The following IL1RAPL2 variants were observed in gnomAD, a reference collection of about 807,000 sequenced individuals.
IL1RAPL2 encodes X-linked interleukin-1 receptor accessory protein-like 2.
IL1RAPL2 carries 3 observed loss-of-function variants against 44.1 expected under a neutral mutation model. The observed-to-expected ratio is 0.07, with a 90% CI of 0.03 to 0.18. The LOEUF is 0.18. Among genes scored for constraint, IL1RAPL2 ranks in the 10% least tolerant of loss-of-function variants. The pLI, the probability that IL1RAPL2 is intolerant of heterozygous loss-of-function variation, is 1.00. For missense variants in IL1RAPL2, 391 were observed against 496.4 expected (o/e 0.79, Z 2.02); for synonymous variants, 181 against 178.8 (o/e 1.01, Z -0.10).
intron 5 of IL1RAPL2, among the ~76,000 whole-genome samples, chrX:105,334,972 A>T (rs2035017021): frequency 9.0e-6 from 1 of 111,683 alleles, no homozygotes; most frequent in Non-Finnish European, 1.9e-5. Context: ...GGCATATTTC[A>T]GCAAGGTAAC....
At chrX:104,861,482 A>G (rs1922493097) in intron 2 of IL1RAPL2, among the ~76,000 whole-genome samples, 2 of 111,520 alleles carry the variant, frequency 1.8e-5, no homozygotes, top group South Asian at 7.5e-4. Context: ...CAACTTTATG[A>G]TAGTGTGAAA....
At chrX:105,577,609 C>T (rs1358176014) in intron 6 of IL1RAPL2, among the ~76,000 whole-genome samples, 1 of 110,546 alleles carries the variant, frequency 9.0e-6, no homozygotes, top group Non-Finnish European at 1.9e-5. Context: ...CCAAAATTGA[C>T]AGCATATTTT....
chrX:104,651,993 G>T (rs1930161690), intron 1 of IL1RAPL2, among the ~76,000 whole-genome samples: 1 of 111,917 alleles, frequency 8.9e-6, no homozygotes, highest in African/African-American at 3.2e-5. Context: ...AGGAAGTACT[G>T]CAAGGAAGTG....
chrX:104,691,004 G>A (rs1203941192), intron 2 of IL1RAPL2, among the ~76,000 whole-genome samples: 2 of 111,603 alleles, frequency 1.8e-5, no homozygotes, highest in African/African-American at 6.5e-5. Context: ...ATGTCCAGGG[G>A]TAGAGCAATT....
intron 6 of IL1RAPL2, among the ~76,000 whole-genome samples, chrX:105,660,641 A>T (rs2037713171): frequency 8.9e-6 from 1 of 111,861 alleles, no homozygotes; most frequent in Non-Finnish European, 1.9e-5. Context: ...GGACACAGTT[A>T]AAGTGTAGAG....
intron 6 of IL1RAPL2, among the ~76,000 whole-genome samples, chrX:105,632,899 G>A (rs1475231115): frequency 8.9e-6 from 1 of 111,799 alleles, no homozygotes; most frequent in African/African-American, 3.3e-5. Flanking sequence ...ACCCAGTTGT[G>A]CAAGTTTTAC....
At chrX:105,677,696 T>G (rs2037884492) in intron 6 of IL1RAPL2, among the ~76,000 whole-genome samples, 1 of 111,299 alleles carries the variant, frequency 9.0e-6, no homozygotes. Context: ...TGCTGTTTAG[T>G]AGTACACCAC....
At chrX:104,884,919 A>AC (rs1285920165) in intron 2 of IL1RAPL2, among the ~76,000 whole-genome samples, 38 of 109,713 alleles carry the variant, frequency 3.5e-4, no homozygotes, top group South Asian at 7.9e-4. Flanking sequence ...GACCACAAAA[A>AC]CCCCCAGGCT....
chrX:105,766,360 T>C (rs1194827768), intron 10 of IL1RAPL2, among the ~76,000 whole-genome samples: 1 of 111,202 alleles, frequency 9.0e-6, no homozygotes, highest in Non-Finnish European at 1.9e-5. Flanking sequence ...AGTTTGCAAA[T>C]GACAGAAATA....
At chrX:104,697,940 C>T (rs1931208408) in intron 2 of IL1RAPL2, among the ~76,000 whole-genome samples, 1 of 112,649 alleles carries the variant, frequency 8.9e-6, no homozygotes, top group Non-Finnish European at 1.9e-5. Flanking sequence ...CAGTGTTTCT[C>T]ATTGGTTGCA....
At chrX:104,790,120 A>G (rs1186965688) in intron 2 of IL1RAPL2, among the ~76,000 whole-genome samples, 3 of 111,893 alleles carry the variant, frequency 2.7e-5, no homozygotes, top group African/African-American at 9.8e-5. Context: ...TCAAGCTGTA[A>G]TTCAATAATA....
chrX:105,394,789 G>T (rs1188609842), intron 5 of IL1RAPL2, among the ~76,000 whole-genome samples: 1 of 111,007 alleles, frequency 9.0e-6, no homozygotes, highest in Non-Finnish European at 1.9e-5. Context: ...CAGAAGCTAT[G>T]CTCATTCCTA....
At chrX:104,647,511 T>C in intron 1 of IL1RAPL2, 2 of 539,369 alleles carry the variant, frequency 3.7e-6, no homozygotes, top group Non-Finnish European at 6.7e-6. Context: ...TCGTCCAGGA[T>C]GAGCCCAAAG....
intron 2 of IL1RAPL2, among the ~76,000 whole-genome samples, chrX:104,807,635 G>A (rs774575546): frequency 1.8e-5 from 2 of 111,132 alleles, no homozygotes; most frequent in Admixed American, 1.9e-4. Flanking sequence ...AGACGATCAC[G>A]GTTAACTCTT....
At chrX:105,229,879 C>T (rs782531008) in intron 3 of IL1RAPL2, among the ~76,000 whole-genome samples, 1 of 112,014 alleles carries the variant, frequency 8.9e-6, no homozygotes, top group Non-Finnish European at 1.9e-5. Context: ...CTCACTGCAA[C>T]CTCTGCCTCC....
At chrX:105,487,091 C>CA (rs397896906) in intron 6 of IL1RAPL2, among the ~76,000 whole-genome samples, 3,969 of 38,000 alleles carry the variant, frequency 0.1, 204 homozygotes, top group Non-Finnish European at 0.17. Flanking sequence ...GACTCCATCT[C>CA]AAAAAAAAAA....
chrX:104,574,973 C>T (rs972451801), intron 1 of IL1RAPL2, among the ~76,000 whole-genome samples: 2 of 111,694 alleles, frequency 1.8e-5, no homozygotes, highest in African/African-American at 3.2e-5. Context: ...ATAATACAAG[C>T]ATATATTTTA....
intron 1 of IL1RAPL2, among the ~76,000 whole-genome samples, chrX:104,612,372 A>G (rs1034872168): frequency 8.9e-6 from 1 of 112,207 alleles, no homozygotes; most frequent in Non-Finnish European, 1.9e-5. Context: ...GATGAAAGAT[A>G]GGGGTCCAGT....
At chrX:105,672,849 C>CT (rs1244247063) in intron 6 of IL1RAPL2, among the ~76,000 whole-genome samples, 1 of 111,595 alleles carries the variant, frequency 9.0e-6, no homozygotes, top group African/African-American at 3.3e-5. Context: ...TAGGCTTCCC[C>CT]TTTTTTAGTC....
Sources: gnomAD v4.1 joint callset for allele counts (sites outside exome capture counted in the v4.1 genomes callset) on GRCh38, gnomAD v4.1.1 for gene constraint, MANE v1.5 for transcripts, NCBI Gene and HGNC (gene_info 2026-07-23, HGNC 2026-07-21) for gene names.